PRKG1: variants seen among roughly 807,000 people sequenced by gnomAD.
The protein encoded by PRKG1 is protein kinase cGMP-dependent 1, also known as cGMP-dependent protein kinase 1.
A neutral mutation model predicts 88.1 loss-of-function variants in PRKG1; 35 were observed. The ratio of observed to expected loss-of-function variants is 0.40; its 90% CI spans 0.30 to 0.53. PRKG1 has a LOEUF of 0.53. PRKG1 is among the 20% of genes least tolerant of loss of function. The pLI, the probability that PRKG1 is intolerant of heterozygous loss-of-function variation, is 0.59. For synonymous variants in PRKG1, 303 were observed against 292.5 expected, an observed-to-expected ratio of 1.04 and a Z score of -0.37; for missense variants, 540 against 839.8, an observed-to-expected ratio of 0.64 and a Z score of 4.41.
intron 2 of PRKG1, among the ~76,000 whole-genome samples, chr10:51,170,718 A>T (rs368702227): frequency 2.6e-4 from 29 of 113,604 alleles, no homozygotes; most frequent in African/African-American, 9.9e-4. Context: ...TTCAACAAGC[A>T]GTATGGAAGC....
chr10:51,697,860 G>A, intron 3 of PRKG1: 1 of 1,613,928 alleles, frequency 6.2e-7, no homozygotes, highest in Admixed American at 1.7e-5. Context: ...CTCTGCCCAG[G>A]ACTAAAACTG....
At chr10:52,075,316 C>T (rs1419536081) in intron 7 of PRKG1, among the ~76,000 whole-genome samples, 4 of 152,166 alleles carry the variant, frequency 2.6e-5, no homozygotes, top group African/African-American at 9.7e-5. Context: ...GTATTATTCT[C>T]CTAGATGGAT....
intron 1 of PRKG1, among the ~76,000 whole-genome samples, chr10:51,104,834 A>T (rs1387678095): frequency 6.6e-6 from 1 of 151,912 alleles, no homozygotes; most frequent in African/African-American, 2.4e-5. Flanking sequence ...GGTTCAAGTG[A>T]TTCTCCTGCC....
intron 6 of PRKG1, among the ~76,000 whole-genome samples, chr10:52,058,349 A>G (rs1846158697): frequency 6.6e-6 from 1 of 152,096 alleles, no homozygotes; most frequent in Admixed American, 6.6e-5. Flanking sequence ...ATATTGTACC[A>G]TATTAACAGT....
intron 7 of PRKG1, among the ~76,000 whole-genome samples, chr10:52,080,807 AT>A (rs1407370992): frequency 6.6e-6 from 1 of 152,202 alleles, no homozygotes; most frequent in Non-Finnish European, 1.5e-5. Flanking sequence ...TAATAATAAT[AT>A]TAATCTGGTG....
chr10:51,370,313 A>G (rs1160803993), intron 2 of PRKG1, among the ~76,000 whole-genome samples: 2 of 152,084 alleles, frequency 1.3e-5, no homozygotes, highest in Non-Finnish European at 1.5e-5. Flanking sequence ...TGCTAAATGG[A>G]TCCATCCTTA....
At chr10:51,308,115 G>T (rs1432320790) in intron 2 of PRKG1, among the ~76,000 whole-genome samples, 1 of 152,154 alleles carries the variant, frequency 6.6e-6, no homozygotes, top group African/African-American at 2.4e-5. Flanking sequence ...ATCCCATGGA[G>T]CTTTGCTACA....
intron 8 of PRKG1, among the ~76,000 whole-genome samples, chr10:52,151,257 C>T (rs540438705): frequency 1.3e-5 from 2 of 152,086 alleles, no homozygotes; most frequent in Non-Finnish European, 2.9e-5. Context: ...CTCGGGTGGG[C>T]CCTAGTGTCG....
chr10:51,737,161 G>C (rs954162890), intron 3 of PRKG1, among the ~76,000 whole-genome samples: 1 of 152,122 alleles, frequency 6.6e-6, no homozygotes, highest in Admixed American at 6.6e-5. Context: ...GAATAAAGAA[G>C]TCTGGGAGCC....
chr10:51,780,082 G>C (rs1359048827), intron 3 of PRKG1, among the ~76,000 whole-genome samples: 2 of 152,074 alleles, frequency 1.3e-5, no homozygotes, highest in Non-Finnish European at 2.9e-5. Flanking sequence ...TGTTCTTTTA[G>C]TTACAAAGGA....
intron 7 of PRKG1, among the ~76,000 whole-genome samples, chr10:52,109,970 A>G (rs1036875672): frequency 6.6e-6 from 1 of 151,778 alleles, no homozygotes; most frequent in Admixed American, 6.6e-5. Flanking sequence ...TTGACATTGT[A>G]AAGTCATTGT....
chr10:51,561,261 T>C (rs73339996), intron 3 of PRKG1, among the ~76,000 whole-genome samples: 1,781 of 151,920 alleles, frequency 0.012, 39 homozygotes, highest in African/African-American at 0.04. Flanking sequence ...GCCTGGGAAG[T>C]TGTGGCTGCA....
At chr10:51,536,134 T>C (rs927678849) in intron 3 of PRKG1, among the ~76,000 whole-genome samples, 4 of 152,150 alleles carry the variant, frequency 2.6e-5, no homozygotes, top group African/African-American at 9.7e-5. Flanking sequence ...GTGATTGTTT[T>C]GTGTGGAAAG....
chr10:51,914,957 C>G (rs562795155), intron 5 of PRKG1, among the ~76,000 whole-genome samples: 2 of 152,280 alleles, frequency 1.3e-5, no homozygotes, highest in South Asian at 4.1e-4. Context: ...TCAACTCACC[C>G]TTGCTTAATG....
intron 2 of PRKG1, among the ~76,000 whole-genome samples, chr10:51,438,367 T>A (rs1293601180): frequency 6.6e-6 from 1 of 152,002 alleles, no homozygotes; most frequent in African/African-American, 2.4e-5. Flanking sequence ...TTTTAACTAA[T>A]GTCTTTTTTG....
chr10:51,048,686 A>G (rs1392040144), intron 1 of PRKG1, among the ~76,000 whole-genome samples: 2 of 152,194 alleles, frequency 1.3e-5, no homozygotes, highest in Non-Finnish European at 2.9e-5. Flanking sequence ...ATTCAATTAG[A>G]CATAAGTCAA....
intron 9 of PRKG1, among the ~76,000 whole-genome samples, chr10:52,176,149 C>T (rs1268728535): frequency 1.4e-5 from 2 of 139,774 alleles, no homozygotes; most frequent in Non-Finnish European, 3.1e-5. Flanking sequence ...GATCTTTGAT[C>T]GATTTTGAGT....
intron 3 of PRKG1, among the ~76,000 whole-genome samples, chr10:51,798,944 G>T (rs570561386): frequency 1.3e-5 from 2 of 152,058 alleles, no homozygotes; most frequent in African/African-American, 2.4e-5. Context: ...CTAGAAAGTC[G>T]AATATTAGGG....
rs913863402 is a variant in PRKG1 at position 52,296,548 on chromosome 10, C to G, written c.*2648C>G. On this transcript the variant is annotated 3_prime_UTR_variant, in exon 18 of 18. Transcript: ENST00000373980. ...GGTCAGTTCCATAAAATGCATCTCA[C>G]TTTATTTCTGAATTTTTCACAACCC... 6.6e-6 allele frequency: 1 copy of G among 152,024 alleles called. No individual in the cohort carries two copies. The highest frequency in any genetic ancestry group is 1.5e-5 in the Non-Finnish European group (1 of 67,932). The allele number at this position is 152,024 out of a possible 1,614,324, so 9.4% of individuals were successfully genotyped here.
Sources: allele counts gnomAD v4.1 joint callset (sites outside exome capture counted in the v4.1 genomes callset), GRCh38; gene constraint gnomAD v4.1.1; transcripts MANE v1.5; gene names NCBI Gene and HGNC (gene_info 2026-07-23, HGNC 2026-07-21).